The following CSMD1 variants were observed in gnomAD, a reference collection of about 807,000 sequenced individuals.
The protein encoded by CSMD1 is CUB and sushi domain-containing protein 1.
A neutral mutation model predicts 417.5 loss-of-function variants in CSMD1; 213 were observed. That is an observed-to-expected ratio of 0.51 (90% CI 0.46 to 0.57). The LOEUF is 0.57. Among genes scored for constraint, CSMD1 ranks in the 20% least tolerant of loss-of-function variants. CSMD1 has a pLI of 0.00. For missense variants in CSMD1, 6,923 were observed against 4,529.7 expected, an observed-to-expected ratio of 1.53 and a Z score of -15.17; for synonymous variants, 2,862 against 1,736.8, an observed-to-expected ratio of 1.65 and a Z score of -16.11.
chr8:4,289,778 A>C (rs544428044), intron 3 of CSMD1, among the ~76,000 whole-genome samples: 1 of 152,324 alleles, frequency 6.6e-6, no homozygotes, highest in East Asian at 1.9e-4. Context: ...GAAGCACCAT[A>C]GTTAAAAGGA....
intron 7 of CSMD1, among the ~76,000 whole-genome samples, chr8:3,684,205 T>TAC (rs1563270252): frequency 3.8e-5 from 4 of 106,212 alleles, no homozygotes; most frequent in Non-Finnish European, 7.6e-5. Context: ...TAACATGTAA[T>TAC]TATATATAAT....
chr8:3,772,931 A>C (rs1423606099), intron 5 of CSMD1, among the ~76,000 whole-genome samples: 1 of 152,030 alleles, frequency 6.6e-6, no homozygotes, highest in Non-Finnish European at 1.5e-5. Flanking sequence ...TATGGCTCAC[A>C]GTTCTGGGGT....
intron 7 of CSMD1, among the ~76,000 whole-genome samples, chr8:3,666,500 C>A (rs1417890062): frequency 6.6e-6 from 1 of 152,174 alleles, no homozygotes; most frequent in Non-Finnish European, 1.5e-5. Flanking sequence ...CCAGGATCTA[C>A]ACATCATCTA....
chr8:3,911,522 C>T (rs1183904155), intron 5 of CSMD1, among the ~76,000 whole-genome samples: 2 of 136,450 alleles, frequency 1.5e-5, no homozygotes, highest in Middle Eastern at 3.6e-3. Context: ...AGCAAGACTC[C>T]GTCTCAAAAT....
At chr8:4,353,277 G>C (rs777829632) in intron 3 of CSMD1, among the ~76,000 whole-genome samples, 4 of 152,036 alleles carry the variant, frequency 2.6e-5, no homozygotes, top group Non-Finnish European at 5.9e-5. Context: ...AGATCTGATG[G>C]TTTTATAAAG....
At chr8:4,122,660 G>C (rs958661003) in intron 3 of CSMD1, among the ~76,000 whole-genome samples, 1 of 152,176 alleles carries the variant, frequency 6.6e-6, no homozygotes, top group African/African-American at 2.4e-5. Flanking sequence ...TGTGAGGCCA[G>C]GAAGGGCAGA....
chr8:3,910,017 T>C (rs754102079), intron 5 of CSMD1, among the ~76,000 whole-genome samples: 14 of 152,102 alleles, frequency 9.2e-5, no homozygotes, highest in Non-Finnish European at 1.6e-4. Flanking sequence ...TAAATAAAGG[T>C]AAATAATTCT....
At chr8:4,878,486 T>G (rs1803188698) in intron 1 of CSMD1, among the ~76,000 whole-genome samples, 1 of 151,816 alleles carries the variant, frequency 6.6e-6, no homozygotes, top group Admixed American at 6.6e-5. Flanking sequence ...CAGCATAGAA[T>G]CATGATGATG....
intron 1 of CSMD1, among the ~76,000 whole-genome samples, chr8:4,713,828 G>C (rs73659190): frequency 0.017 from 2,613 of 152,176 alleles, 60 homozygotes; most frequent in East Asian, 0.093. Context: ...GCTTTCTTCT[G>C]TCCTTTTAAT....
At chr8:3,487,126 A>C (rs962386499) in intron 11 of CSMD1, among the ~76,000 whole-genome samples, 3 of 152,214 alleles carry the variant, frequency 2.0e-5, no homozygotes, top group African/African-American at 7.2e-5. Context: ...AGCATTATAC[A>C]GAAATGACTT....
chr8:3,041,005 T>C (rs192358678), intron 50 of CSMD1, among the ~76,000 whole-genome samples: 1 of 152,196 alleles, frequency 6.6e-6, no homozygotes, highest in East Asian at 1.9e-4. Context: ...CTGCCTAATA[T>C]TGCAAAGCAT....
chr8:3,994,443 T>C (rs1355528308), intron 5 of CSMD1, among the ~76,000 whole-genome samples: 1 of 94,432 alleles, frequency 1.1e-5, no homozygotes, highest in Non-Finnish European at 2.2e-5. Flanking sequence ...ATCAAATCTC[T>C]TCAGAAAAAA....
intron 3 of CSMD1, among the ~76,000 whole-genome samples, chr8:4,195,660 A>G (rs750740053): frequency 6.6e-6 from 1 of 152,198 alleles, no homozygotes; most frequent in Admixed American, 6.5e-5. Flanking sequence ...CCTTCTAGGC[A>G]TGATGAAGCA....
rs537669992 is a variant in CSMD1 at position 3,117,171 on chromosome 8, C to T, written c.6430+1228G>A. 1.7e-3 allele frequency among the ~76,000 whole-genome samples: 264 copies of T among 152,148 alleles called. 2 individuals carry two copies. Among genetic ancestry groups the T allele is most frequent in the Middle Eastern group, 6.8e-3 (2 of 294 alleles). The stretch of plus-strand genomic sequence containing the variant: ...CTGCAACCTCAGCCTCCTGGGTTCC[C>T]GCCATTCTCCCACCTCAGCCTCTGG... On this transcript the variant is annotated intron_variant, in intron 42 of 69. Transcript: ENST00000635120.
chr8:4,739,541 A>G (rs906222036), intron 1 of CSMD1, among the ~76,000 whole-genome samples: 1 of 152,208 alleles, frequency 6.6e-6, no homozygotes, highest in African/African-American at 2.4e-5. Context: ...CTTAAAGAAA[A>G]TCATAATAAG....
chr8:3,617,213 T>C lies in CSMD1; in HGVS notation c.1010-416A>G, dbSNP rs144878809. On this transcript the variant is annotated intron_variant, in intron 7 of 69. Transcript: ENST00000635120. ...CAGAGATGATATTTACTAACTTCTA[T>C]ACAAAAGATACTTTAAATAACATTA... 7.0e-3 allele frequency among the ~76,000 whole-genome samples: 1,064 copies of C among 152,300 alleles called. 4 individuals are homozygous for C. Among genetic ancestry groups the C allele is most frequent in the Non-Finnish European group, 9.0e-3 (615 of 68,024 alleles).
intron 23 of CSMD1, among the ~76,000 whole-genome samples, chr8:3,309,254 C>G (rs994001634): frequency 1.2e-4 from 18 of 152,102 alleles, no homozygotes; most frequent in African/African-American, 4.3e-4. Flanking sequence ...TTATTCCAGC[C>G]CATTGTCAAG....
At chr8:3,103,995 G>C (rs1172970447) in intron 46 of CSMD1, among the ~76,000 whole-genome samples, 1 of 151,824 alleles carries the variant, frequency 6.6e-6, no homozygotes, top group Non-Finnish European at 1.5e-5. Flanking sequence ...TGCCCACCTC[G>C]GCCTCCCAAA....
chr8:4,344,281 T>C (rs1356389485), intron 3 of CSMD1, among the ~76,000 whole-genome samples: 11 of 152,182 alleles, frequency 7.2e-5, no homozygotes, highest in African/African-American at 2.7e-4. Context: ...TTGTTCATTC[T>C]GTCATGTGTC....
Sources: gnomAD v4.1 joint callset for allele counts (sites outside exome capture counted in the v4.1 genomes callset) on GRCh38, gnomAD v4.1.1 for gene constraint, MANE v1.5 for transcripts, NCBI Gene and HGNC (gene_info 2026-07-23, HGNC 2026-07-21) for gene names.